SLC25A48: variants seen among roughly 807,000 people sequenced by gnomAD.
SLC25A48 encodes solute carrier family 25 member 48.
SLC25A48 carries 29 observed loss-of-function variants against 32.2 expected under a neutral mutation model. The ratio of observed to expected loss-of-function variants is 0.90; its 90% confidence interval spans 0.67 to 1.23. SLC25A48 has a LOEUF of 1.23. Among genes scored for constraint, SLC25A48 ranks in the 50% most tolerant of loss-of-function variants. SLC25A48 has a pLI of 0.00. For synonymous variants in SLC25A48, 164 were observed against 172.3 expected, an observed-to-expected ratio of 0.95 and a Z score of 0.38; for missense variants, 399 against 422.7, an observed-to-expected ratio of 0.94 and a Z score of 0.49.
Position 135,850,485 on chromosome 5 carries a change from A to T in SLC25A48, c.151A>T (p.Arg51Trp), listed in dbSNP as rs201479876. The T allele has an allele frequency of 1.9e-6, 3 of 1,614,086 alleles. No homozygotes were observed. In the Admixed American group the frequency reaches 5.0e-5, roughly 27 times the overall value. The part of the protein sequence containing the change: ...NTLSCIRVVY[R>W]RESMFGFFKG... ...CCTCAGCTGCATCCGCGTGGTGTAC[A>T]GGAGGGAGAGTGTAAGTGCCCCTTG... The change falls in exon 3 of 8, where the codon AGG becomes TGG. Residue 51 changes from arginine to tryptophan, a missense_variant. Physicochemically the swap from Arg to Trp is moderately radical, Grantham distance 101 (BLOSUM62 -3). Coordinates refer to ENST00000681962, the MANE Select transcript of SLC25A48 (RefSeq NM_001349336.2).
chr5:135,758,559 A>G (rs949660900), intron 3 of SLC25A48, among the ~76,000 whole-genome samples: 2 of 150,800 alleles, frequency 1.3e-5, no homozygotes, highest in Non-Finnish European at 3.0e-5. Context: ...TTAACACACT[A>G]TATTAATAGA....
At chr5:135,877,472 A>G (rs2126824623) in intron 6 of SLC25A48, among the ~76,000 whole-genome samples, 1 of 149,100 alleles carries the variant, frequency 6.7e-6, no homozygotes, top group Non-Finnish European at 1.5e-5. Context: ...AGGAAACCTG[A>G]ACTGCAGGCA....
In SLC25A48 at chr5:135,854,631, A is replaced by G. The variant is rs1760160535; in HGVS notation, c.421+1810A>G. 2.0e-5 allele frequency among the ~76,000 whole-genome samples: 3 copies of G among 152,362 alleles called. No homozygotes were observed. The South Asian group carries it at 6.2e-4, about 32-fold the overall frequency. ...TTTCTCTGAGTTAGGCTTTGGCTTA[A>G]GGGAAAGTTGTGGCTCATTTGATGT... is the stretch of plus-strand genomic sequence containing the variant. On this transcript the variant is annotated intron_variant, in intron 4 of 7. Transcript: ENST00000681962.
intron 1 of SLC25A48, among the ~76,000 whole-genome samples, chr5:135,620,524 G>A (rs1400091481): frequency 3.3e-5 from 5 of 152,162 alleles, no homozygotes; most frequent in African/African-American, 1.2e-4. Context: ...AGCTTTCATA[G>A]GGGGTTGCAA....
chr5:135,845,754 A>G (rs4246801), intron 2 of SLC25A48, among the ~76,000 whole-genome samples: 96,444 of 152,054 alleles, frequency 0.63, 30,744 homozygotes, highest in South Asian at 0.71. Flanking sequence ...GACAGGCTGG[A>G]GTGCAGGGAG....
At chr5:135,745,709 CT>C (rs1755622164) in intron 3 of SLC25A48, among the ~76,000 whole-genome samples, 1 of 152,192 alleles carries the variant, frequency 6.6e-6, no homozygotes, top group African/African-American at 2.4e-5. Flanking sequence ...TATATTTCCC[CT>C]GTTAAGCTAA....
At chr5:135,686,579 A>T (rs1754025162) in intron 3 of SLC25A48, among the ~76,000 whole-genome samples, 1 of 152,180 alleles carries the variant, frequency 6.6e-6, no homozygotes, top group African/African-American at 2.4e-5. Context: ...TTTGCTGTGA[A>T]CCTGTCTCCG....
intron 3 of SLC25A48, among the ~76,000 whole-genome samples, chr5:135,693,903 G>A (rs1017649425): frequency 5.3e-5 from 8 of 152,356 alleles, no homozygotes; most frequent in African/African-American, 1.9e-4. Flanking sequence ...CAAGCCATAA[G>A]CCTCTCAGAC....
chr5:135,801,325 T>G (rs1480992248), intron 3 of SLC25A48, among the ~76,000 whole-genome samples: 2 of 151,252 alleles, frequency 1.3e-5, no homozygotes, highest in Non-Finnish European at 1.5e-5. Flanking sequence ...CCCTGTGATA[T>G]TCTTCAAAAT....
At chr5:135,709,283 C>T (rs1257030051) in intron 3 of SLC25A48, among the ~76,000 whole-genome samples, 1 of 152,204 alleles carries the variant, frequency 6.6e-6, no homozygotes, top group Non-Finnish European at 1.5e-5. Context: ...CCTGGACTCC[C>T]TAGCCTTGGG....
intron 4 of SLC25A48, among the ~76,000 whole-genome samples, chr5:135,864,617 G>A (rs569506829): frequency 6.6e-5 from 10 of 152,318 alleles, no homozygotes; most frequent in Middle Eastern, 3.4e-3. Context: ...GGAGTGAAGG[G>A]AGGAGGTTTG....
intron 3 of SLC25A48, among the ~76,000 whole-genome samples, chr5:135,682,533 A>G (rs1184401273): frequency 1.3e-5 from 2 of 152,228 alleles, no homozygotes; most frequent in African/African-American, 4.8e-5. Flanking sequence ...GCTTGCATAC[A>G]TATGTGCCTT....
At chr5:135,842,339 G>C in intron 1 of SLC25A48, 77 bp from the exon 2 acceptor site, 5 of 1,513,848 alleles carry the variant, frequency 3.3e-6, no homozygotes, top group Non-Finnish European at 4.6e-6. Context: ...ACAAGTGCCT[G>C]TTTTGTCCCA....
chr5:135,795,481 T>G (rs1757144661), intron 3 of SLC25A48, among the ~76,000 whole-genome samples: 1 of 151,930 alleles, frequency 6.6e-6, no homozygotes, highest in Non-Finnish European at 1.5e-5. Context: ...CCATGGGGTG[T>G]GCACCCCTCC....
intron 4 of SLC25A48, among the ~76,000 whole-genome samples, chr5:135,818,114 T>TCTCTCC (rs1757786241): frequency 7.2e-6 from 1 of 138,138 alleles, no homozygotes; most frequent in East Asian, 2.1e-4. Context: ...TCTCTCTCTC[T>TCTCTCC]CTCTCCCTCT....
At chr5:135,855,525 A>G (rs1048948777) in intron 4 of SLC25A48, among the ~76,000 whole-genome samples, 3 of 152,248 alleles carry the variant, frequency 2.0e-5, no homozygotes, top group Non-Finnish European at 4.4e-5. Flanking sequence ...ACTCAAGAAC[A>G]CACGATTAGC....
chr5:135,721,047 T>C (rs1754940591), intron 3 of SLC25A48, among the ~76,000 whole-genome samples: 1 of 151,974 alleles, frequency 6.6e-6, no homozygotes, highest in South Asian at 2.1e-4. Flanking sequence ...TTTATTTTTA[T>C]TTTTATTTAT....
intron 3 of SLC25A48, among the ~76,000 whole-genome samples, chr5:135,712,803 C>T (rs1444078440): frequency 6.6e-6 from 1 of 152,184 alleles, no homozygotes; most frequent in Non-Finnish European, 1.5e-5. Flanking sequence ...GACTGAGGAG[C>T]ACATGAAGTA....
chr5:135,628,003 C>G (rs1752476824), intron 1 of SLC25A48, among the ~76,000 whole-genome samples: 1 of 152,142 alleles, frequency 6.6e-6, no homozygotes, highest in Admixed American at 6.5e-5. Flanking sequence ...GGCATGCACA[C>G]AGGTGAGGGT....
Sources: allele counts gnomAD v4.1 joint callset (sites outside exome capture counted in the v4.1 genomes callset), GRCh38; gene constraint gnomAD v4.1.1; transcripts MANE v1.5; gene names NCBI Gene and HGNC (gene_info 2026-07-23, HGNC 2026-07-21).